TDRD1: variants seen among roughly 807,000 people sequenced by gnomAD.
TDRD1 encodes the protein tudor domain-containing protein 1.
Under a neutral mutation model 140.6 loss-of-function variants are expected in TDRD1, and 37 were observed. That is an observed-to-expected ratio of 0.26 (90% CI 0.20 to 0.35). The LOEUF is 0.35. Ranked by LOEUF, TDRD1 falls within the 10% of genes least tolerant of loss-of-function variation. TDRD1 has a pLI of 1.00. For missense variants in TDRD1, 1,243 were observed against 1,393.0 expected (o/e 0.89, Z 1.71); for synonymous variants, 506 against 475.7 (o/e 1.06, Z -0.83).
At chr10:114,190,383 G>A (rs1009079956) in intron 2 of TDRD1, among the ~76,000 whole-genome samples, 1 of 152,168 alleles carries the variant, frequency 6.6e-6, no homozygotes, top group Non-Finnish European at 1.5e-5. Context: ...AGTGCAGAGG[G>A]TTTCTGAAAC....
chr10:114,176,969 T>C (rs1490830635), upstream of TDRD1, among the ~76,000 whole-genome samples: 1 of 152,006 alleles, frequency 6.6e-6, no homozygotes, highest in Non-Finnish European at 1.5e-5. The surrounding 1 kb of genome is among the most constrained non-coding windows in gnomAD (Gnocchi z 4.2). Context: ...ACAAACAAAA[T>C]ACCACCTGAT....
At chr10:114,179,850 TG>T (rs1005694722) in intron 1 of TDRD1, 14 of 152,256 alleles carry the variant, frequency 9.2e-5, no homozygotes, top group Non-Finnish European at 5.9e-5. Flanking sequence ...TCCTGCTGTG[TG>T]CCAGTAGCTT....
Position 114,202,351 on chromosome 10 carries a change from G to A in TDRD1, c.696+53G>A, listed in dbSNP as rs1280411773. ...GAATAACTCCTCTTTATTGAATTAAGATGTAAGATAAATATTTTAGGCTTA... is the reference window on the plus strand; with the variant it reads ...GAATAACTCCTCTTTATTGAATTAAAATGTAAGATAAATATTTTAGGCTTA... On this transcript the variant is annotated intron_variant, in intron 6 of 25. Transcript: ENST00000251864. 3 of 1,247,858 alleles carry A rather than the reference G, an allele frequency of 2.4e-6. No homozygotes were observed. The African/African-American group carries it at 4.6e-5, about 19-fold the overall frequency. 77.3% of individuals were successfully genotyped at this position (1,247,858 alleles called of 1,614,324 possible).
chr10:114,180,632 T>G (rs2032975463), intron 1 of TDRD1, among the ~76,000 whole-genome samples: 1 of 152,096 alleles, frequency 6.6e-6, no homozygotes, highest in Admixed American at 6.5e-5. Context: ...GCCCTGCTAA[T>G]TTTTGTATTT....
intron 14 of TDRD1, 77 bp downstream of exon 14, chr10:114,212,113 G>A (rs1589696419): frequency 1.5e-6 from 2 of 1,343,522 alleles, no homozygotes; most frequent in South Asian, 1.4e-5. Context: ...ACGAAATAGG[G>A]AAAAGCTGCT....
intron 1 of TDRD1, among the ~76,000 whole-genome samples, chr10:114,183,404 C>T (rs2033255754): frequency 6.6e-6 from 1 of 152,030 alleles, no homozygotes; most frequent in African/African-American, 2.4e-5. Flanking sequence ...AAAATGTTTT[C>T]ATCTATAAAA....
intron 21 of TDRD1, among the ~76,000 whole-genome samples, chr10:114,224,709 A>G (rs1294118008): frequency 6.6e-6 from 1 of 151,940 alleles, no homozygotes; most frequent in Non-Finnish European, 1.5e-5. Flanking sequence ...ATGTGTTTTA[A>G]TACTACCCTG....
chr10:114,180,729 G>C (rs1003383672), intron 1 of TDRD1, among the ~76,000 whole-genome samples: 14 of 152,172 alleles, frequency 9.2e-5, no homozygotes, highest in Admixed American at 9.2e-4. Flanking sequence ...CCTCCAAAGT[G>C]CTGGGATTAC....
intron 1 of TDRD1, among the ~76,000 whole-genome samples, chr10:114,187,049 G>T (rs1276432752): frequency 1.3e-5 from 2 of 152,018 alleles, no homozygotes; most frequent in African/African-American, 4.8e-5. Context: ...AATTCCCCTG[G>T]GCAGGGCACT....
At chr10:114,204,329 C>T (rs1172348182) in intron 9 of TDRD1, 113 bp downstream of exon 9, 80 of 1,174,366 alleles carry the variant, frequency 6.8e-5, no homozygotes, top group Non-Finnish European at 8.8e-5. Context: ...TGTACCTGTA[C>T]TATGTAAATA....
chr10:114,228,453 CAG>C, intron 25 of TDRD1: 1 of 1,048,556 alleles, frequency 9.5e-7, no homozygotes, highest in African/African-American at 1.7e-5. Context: ...AGCTTAGCCT[CAG>C]ATTTTTTGTC....
intron 11 of TDRD1, among the ~76,000 whole-genome samples, chr10:114,210,242 T>C (rs971693030): frequency 6.6e-6 from 1 of 152,232 alleles, no homozygotes; most frequent in African/African-American, 2.4e-5. Context: ...GTGTTTCTAC[T>C]TGAGTATAAT....
chr10:114,207,974 G>C (rs1296255302), intron 11 of TDRD1, among the ~76,000 whole-genome samples: 1 of 152,048 alleles, frequency 6.6e-6, no homozygotes, highest in Non-Finnish European at 1.5e-5. Context: ...GCAGGTGGGA[G>C]GGTACCTAAG....
intron 3 of TDRD1, among the ~76,000 whole-genome samples, 196 bp from the exon 4 acceptor site, chr10:114,198,977 C>T (rs1358625446): frequency 1.3e-5 from 2 of 152,228 alleles, no homozygotes; most frequent in African/African-American, 4.8e-5. Context: ...GGTTCCCAGT[C>T]AGCCCACCTC....
intron 25 of TDRD1, chr10:114,228,361 G>A: frequency 2.4e-6 from 3 of 1,261,198 alleles, no homozygotes; most frequent in Non-Finnish European, 3.0e-6. Flanking sequence ...AGTTGTAATA[G>A]CCTTTCCTTA....
chr10:114,200,671 G>A (rs747356910), intron 4 of TDRD1, among the ~76,000 whole-genome samples: 6 of 151,826 alleles, frequency 4.0e-5, no homozygotes, highest in Non-Finnish European at 7.4e-5. Context: ...CTACAGGTGC[G>A]CACCACCACA....
At chr10:114,220,908 A>C in intron 19 of TDRD1, 65 bp downstream of exon 19, 1 of 1,174,806 alleles carries the variant, frequency 8.5e-7, no homozygotes. Flanking sequence ...ACTATGAAAA[A>C]TTTTCCATCA....
chr10:114,189,297 A>T (rs1254760888), intron 2 of TDRD1, among the ~76,000 whole-genome samples: 1 of 152,244 alleles, frequency 6.6e-6, no homozygotes, highest in Non-Finnish European at 1.5e-5. Context: ...CTTCTGAAGT[A>T]GGAAAACCAT....
intron 10 of TDRD1, 115 bp from the exon 11 acceptor site, chr10:114,206,129 C>T: frequency 4.0e-6 from 3 of 754,498 alleles, no homozygotes; most frequent in South Asian, 1.9e-5. Context: ...CATATACCAA[C>T]CTATTAATAG....
Sources: allele counts gnomAD v4.1 joint callset (sites outside exome capture counted in the v4.1 genomes callset), GRCh38; gene constraint gnomAD v4.1.1; non-coding constraint Gnocchi (gnomAD v3.1); transcripts MANE v1.5; gene names NCBI Gene and HGNC (gene_info 2026-07-23, HGNC 2026-07-21).